CGNL1: variants seen among roughly 807,000 people sequenced by gnomAD.
CGNL1 encodes cingulin-like protein 1.
A neutral mutation model predicts 141.2 loss-of-function variants in CGNL1; 132 were observed. The ratio of observed to expected loss-of-function variants is 0.93; its 90% CI spans 0.81 to 1.08. CGNL1 has a LOEUF of 1.08. CGNL1 is among the 50% of genes least tolerant of loss of function. The pLI, the probability that CGNL1 is intolerant of heterozygous loss-of-function variation, is 0.00. For synonymous variants in CGNL1, 690 were observed against 622.1 expected, an observed-to-expected ratio of 1.11 and a Z score of -1.63; for missense variants, 1,870 against 1,588.6, an observed-to-expected ratio of 1.18 and a Z score of -3.01.
chr15:57,453,731 G>A lies in CGNL1; in HGVS notation c.2103G>A (p.Arg701=), dbSNP rs373070756. The change falls in exon 7 of 19, where the codon AGG becomes AGA. Residue 701 remains arginine, a synonymous_variant. Transcript: ENST00000281282. ...GGGAGCAGCATCAGACTGAGATCAG[G>A]GATCTCCAGGACCAGCTCTCAGAAA... The part of the protein sequence containing the change: ...MEREQHQTEI[R]DLQDQLSEMH... The A allele has an allele frequency of 2.5e-6, 4 of 1,613,782 alleles. No homozygotes were observed. Among genetic ancestry groups the A allele is most frequent in the Non-Finnish European group, 3.4e-6 (4 of 1,179,922 alleles).
intron 8 of CGNL1, among the ~76,000 whole-genome samples, chr15:57,469,529 A>G (rs1185466455): frequency 2.0e-5 from 3 of 151,916 alleles, no homozygotes; most frequent in Non-Finnish European, 2.9e-5. Context: ...CATTTGACTT[A>G]GTTAACAGTC....
At chr15:57,483,468 C>CTTTTTTTTT (rs60667956) in intron 8 of CGNL1, among the ~76,000 whole-genome samples, 13 of 127,798 alleles carry the variant, frequency 1.0e-4, no homozygotes, top group Middle Eastern at 4.5e-3. Flanking sequence ...ACAAAGTTTT[C>CTTTTTTTTT]TTTTTTTTTT....
At chr15:57,505,897 C>A (rs1227861819) in intron 8 of CGNL1, among the ~76,000 whole-genome samples, 8 of 152,052 alleles carry the variant, frequency 5.3e-5, no homozygotes, top group Non-Finnish European at 1.0e-4. Flanking sequence ...CAGGAGAGAC[C>A]CTTTCAGCAT....
At chr15:57,524,111 A>G (rs1338547256) in intron 11 of CGNL1, among the ~76,000 whole-genome samples, 1 of 152,182 alleles carries the variant, frequency 6.6e-6, no homozygotes, top group Admixed American at 6.5e-5. Flanking sequence ...AGTTGACACG[A>G]GTGTCTGCTG....
chr15:57,429,952 A>G (rs543573491), intron 1 of CGNL1, among the ~76,000 whole-genome samples: 8 of 152,268 alleles, frequency 5.3e-5, no homozygotes, highest in African/African-American at 1.9e-4. Flanking sequence ...CTGGGACTAC[A>G]GGTGCGCACC....
chr15:57,412,319 C>T (rs1398271483), intron 1 of CGNL1, among the ~76,000 whole-genome samples: 13 of 152,200 alleles, frequency 8.5e-5, no homozygotes, highest in Non-Finnish European at 1.6e-4. Context: ...ACAGATAAAA[C>T]GCTCAGATAA....
At position 57,472,255 on chromosome 15, in the gene CGNL1, G is replaced by A. The variant is rs184366501; in HGVS notation, c.2403+10363G>A. Among the ~76,000 whole-genome samples, 29 of 152,134 alleles carry A rather than the reference G, an allele frequency of 1.9e-4. 1 individual carries two copies. The highest frequency in any genetic ancestry group is 1.4e-3 in the Admixed American group (21 of 15,280). ...CAGAGGAAATAGCATGTGCAAGGGG[G>A]CTTGCAGCAGAAAGGAGTGTGGTTT... On this transcript the variant is annotated intron_variant, in intron 8 of 18. Coordinates refer to ENST00000281282, the MANE Select transcript of CGNL1 (RefSeq NM_032866.5).
chr15:57,474,105 T>G (rs1171310119), intron 8 of CGNL1, among the ~76,000 whole-genome samples: 3 of 151,838 alleles, frequency 2.0e-5, no homozygotes, highest in African/African-American at 7.3e-5. Flanking sequence ...GAGACGGGGT[T>G]TCACCATATT....
At chr15:57,419,724 C>A (rs1438896495) in intron 1 of CGNL1, among the ~76,000 whole-genome samples, 1 of 152,200 alleles carries the variant, frequency 6.6e-6, no homozygotes, top group African/African-American at 2.4e-5. Flanking sequence ...TGATATTGAT[C>A]TTGATAAAGC....
chr15:57,450,255 G>A (rs140903138), intron 4 of CGNL1, among the ~76,000 whole-genome samples: 38 of 152,170 alleles, frequency 2.5e-4, no homozygotes, highest in African/African-American at 7.9e-4. Context: ...ATCCTAATTC[G>A]TATATATTGG....
At chr15:57,483,029 C>T (rs190708372) in intron 8 of CGNL1, among the ~76,000 whole-genome samples, 8 of 152,298 alleles carry the variant, frequency 5.3e-5, no homozygotes, top group African/African-American at 9.6e-5. Flanking sequence ...TCAGGTGGTC[C>T]GCCCACCGCG....
chr15:57,517,119 C>T (rs898835882), intron 9 of CGNL1, 133 bp downstream of exon 9: 1 of 840,564 alleles, frequency 1.2e-6, no homozygotes. Flanking sequence ...GTGAATACAT[C>T]CTCTCTGCAA....
intron 1 of CGNL1, among the ~76,000 whole-genome samples, chr15:57,412,698 A>G (rs1218077346): frequency 6.6e-6 from 1 of 152,154 alleles, no homozygotes; most frequent in Non-Finnish European, 1.5e-5. Context: ...TCCCTGGCAC[A>G]TCTACTCTTT....
At chr15:57,449,106 C>G (rs1177453603) in intron 4 of CGNL1, among the ~76,000 whole-genome samples, 2 of 152,282 alleles carry the variant, frequency 1.3e-5, no homozygotes, top group East Asian at 3.9e-4. Context: ...AGTTGGAACC[C>G]TAGTGTCTCC....
intron 8 of CGNL1, among the ~76,000 whole-genome samples, chr15:57,482,030 A>T (rs747176539): frequency 2.6e-5 from 4 of 151,964 alleles, no homozygotes; most frequent in Non-Finnish European, 5.9e-5. Flanking sequence ...ATGTCATTTC[A>T]TGTGCTCTTT....
rs1254437541 is a variant in CGNL1 at position 57,437,918 on chromosome 15, C to T, written c.-15-67C>T. 3.7e-6 allele frequency: 5 copies of T among 1,348,534 alleles called. No individual in the cohort carries two copies. The African/African-American group carries it at 7.3e-5, about 20-fold the overall frequency. 83.5% of individuals were successfully genotyped at this position (1,348,534 alleles called of 1,614,324 possible). ...TGAAGTTTCCCCTTCCTAATTATTT[C>T]AGTCTTCATTTAAACAGATGTAATT... is the stretch of plus-strand genomic sequence containing the variant. On this transcript the variant is annotated intron_variant, in intron 1 of 18. Coordinates refer to ENST00000281282, the MANE Select transcript of CGNL1 (RefSeq NM_032866.5).
chr15:57,532,317 T>C (rs990671709), intron 14 of CGNL1, among the ~76,000 whole-genome samples: 1 of 152,258 alleles, frequency 6.6e-6, no homozygotes, highest in African/African-American at 2.4e-5. Flanking sequence ...TTCCATATTT[T>C]ATCTGTCAAG....
chr15:57,405,807 TTTCC>T (rs776043716), intron 1 of CGNL1, among the ~76,000 whole-genome samples: 17,490 of 115,534 alleles, frequency 0.15, 1,184 homozygotes, highest in African/African-American at 0.19. Flanking sequence ...TCTTTCTTTC[TTTCC>T]TTCTTTCTTT....
intron 8 of CGNL1, among the ~76,000 whole-genome samples, chr15:57,488,547 G>A (rs188038439): frequency 6.6e-5 from 10 of 152,230 alleles, no homozygotes; most frequent in African/African-American, 9.6e-5. Context: ...TCTACTGAAG[G>A]GGGTGCAAGA....
Sources: gnomAD v4.1 joint callset for allele counts (sites outside exome capture counted in the v4.1 genomes callset) on GRCh38, gnomAD v4.1.1 for gene constraint, MANE v1.5 for transcripts, NCBI Gene and HGNC (gene_info 2026-07-23, HGNC 2026-07-21) for gene names.